Variants in UGT2B17 observed in about 807,000 individuals in gnomAD.
UGT2B17 encodes the protein UDP-glucuronosyltransferase 2B17.
A neutral mutation model predicts 48.2 loss-of-function variants in UGT2B17; 21 were observed. The observed-to-expected ratio is 0.44, with a 90% CI of 0.31 to 0.63. The LOEUF (loss-of-function observed/expected upper bound fraction) is 0.63, where lower values mean the gene tolerates loss of function less well. Among genes scored for constraint, UGT2B17 ranks in the 20% least tolerant of loss-of-function variants. UGT2B17 has a pLI of 0.08. For synonymous variants in UGT2B17, 146 were observed against 238.4 expected, an observed-to-expected ratio of 0.61 and a Z score of 3.57; for missense variants, 402 against 696.1, an observed-to-expected ratio of 0.58 and a Z score of 4.75.
intron 2 of UGT2B17, among the ~76,000 whole-genome samples, chr4:68,566,044 A>G (rs1578172167): frequency 8.5e-6 from 1 of 117,704 alleles, no homozygotes; most frequent in Admixed American, 9.1e-5. Flanking sequence ...TTTAATATTA[A>G]TAAAATTTTA....
chr4:68,544,150 A>G (rs2109760554), intron 6 of UGT2B17, among the ~76,000 whole-genome samples: 1 of 126,162 alleles, frequency 7.9e-6, no homozygotes, highest in South Asian at 3.7e-4. Context: ...CAAAGTTGAA[A>G]TGAAGGAAAA....
intron 6 of UGT2B17, among the ~76,000 whole-genome samples, chr4:68,549,320 T>C (rs1730873784): frequency 9.9e-6 from 1 of 101,208 alleles, no homozygotes; most frequent in Non-Finnish European, 2.1e-5. Flanking sequence ...AAAACCTTCA[T>C]GTTTCAAAAG....
chr4:68,545,911 C>G (rs527912607), intron 6 of UGT2B17, among the ~76,000 whole-genome samples: 1 of 125,784 alleles, frequency 8.0e-6, no homozygotes, highest in South Asian at 3.8e-4. Flanking sequence ...ATAACAGGCT[C>G]TGAAATTGAG....
At chr4:68,567,235 G>C (rs903009488) in intron 2 of UGT2B17, among the ~76,000 whole-genome samples, 3 of 125,276 alleles carry the variant, frequency 2.4e-5, no homozygotes, top group African/African-American at 8.2e-5. Context: ...ATAAATATTA[G>C]AAATCTCAAG....
rs528598473 is a variant in UGT2B17, at chr4:68,547,667, A to G, written c.1313+3010T>C. 8.7e-5 allele frequency among the ~76,000 whole-genome samples: 11 copies of G among 126,380 alleles called. 4 individuals are homozygous for G. The South Asian group carries it at 4.0e-3, about 46-fold the overall frequency. The allele number at this position is 126,380 out of a possible 152,430, so 82.9% of individuals were successfully genotyped here. A position where few individuals can be genotyped will look rare whatever the true frequency, so the allele number is the denominator to read the frequency against. On this transcript the variant is annotated intron_variant, in intron 6 of 6. Coordinates refer to ENST00000317746, the MANE Select transcript of UGT2B17 (RefSeq NM_001077.4). ...TACAGAATGGGAGAACATTTTTGCA[A>G]TCTACTCATCTGACAAAGGGCTAAT...
In UGT2B17 at chr4:68,567,820, T is replaced by A. The variant is rs1205370818; in HGVS notation, c.665A>T (p.Asp222Val). 1.5e-6 allele frequency: 2 copies of A among 1,367,954 alleles called. 1 individual carries two copies. The highest frequency in any genetic ancestry group is 3.0e-5 in the African/African-American group (2 of 66,876). The allele number at this position is 1,367,954 out of a possible 1,614,324, so 84.7% of individuals were successfully genotyped here. ...IKNMIYMLYF[D>V]FWFQAYDLKK... ...CAGATCATATGCTTGAAACCAAAAG[T>A]CAAAATAAAGCATATATATCATATT... Residue 222 changes from aspartate (D) to valine (V), a missense_variant, in exon 2 of 7, where the codon GAC becomes GTC. This residue lies in a region of UGT2B17 where 106 missense variants were observed against 169.8 expected (regional missense o/e 0.62). Coordinates refer to ENST00000317746, the MANE Select transcript of UGT2B17 (RefSeq NM_001077.4).
chr4:68,563,431 G>A (rs1380107906), intron 3 of UGT2B17, among the ~76,000 whole-genome samples: 2 of 126,354 alleles, frequency 1.6e-5, no homozygotes, highest in African/African-American at 2.7e-5. Context: ...CCAACATGGC[G>A]AAACTCTGTC....
intron 6 of UGT2B17, among the ~76,000 whole-genome samples, chr4:68,543,956 T>G (rs1730741280): frequency 7.9e-6 from 1 of 126,406 alleles, no homozygotes; most frequent in Non-Finnish European, 1.7e-5. Flanking sequence ...CTACATCTGA[T>G]TGGTGTACCT....
chr4:68,573,133 CT>C lies in UGT2B17; in HGVS notation c.-65+2817del, dbSNP rs1205657570. Among the ~76,000 whole-genome samples the C allele has an allele frequency of 3.1e-5, 4 of 127,326 alleles. 1 individual carries two copies. Among genetic ancestry groups the C allele is most frequent in the Non-Finnish European group, 6.7e-5 (4 of 59,878 alleles). The allele number at this position is 127,326 out of a possible 152,430, so 83.5% of individuals were successfully genotyped here. On this transcript the variant is annotated intron_variant, in intron 1 of 6. Coordinates refer to ENST00000317746, the MANE Select transcript of UGT2B17 (RefSeq NM_001077.4). ...GGGAGACTTTATGTTTAGGTTTTTC[CT>C]AAGAGTTAGCTTATTTGCTTCTTGT...
At chr4:68,571,378 A>G (rs60259033) in intron 1 of UGT2B17, among the ~76,000 whole-genome samples, 5,309 of 125,232 alleles carry the variant, frequency 0.042, 1,231 homozygotes, top group African/African-American at 0.13. Context: ...TTGTGTCCAC[A>G]TATATCCAGT....
At chr4:68,554,810 G>A (rs1357752485) in intron 4 of UGT2B17, among the ~76,000 whole-genome samples, 1 of 125,468 alleles carries the variant, frequency 8.0e-6, no homozygotes, top group Non-Finnish European at 1.7e-5. Flanking sequence ...TGGTGATCAA[G>A]TATTCATACA....
chr4:68,552,059 A>G lies in UGT2B17; in HGVS notation c.1006-148T>C, dbSNP rs1410876984. 7.8e-6 allele frequency: 4 copies of G among 515,972 alleles called. 1 individual carries two copies. 32.0% of individuals were successfully genotyped at this position (515,972 alleles called of 1,614,324 possible). On this transcript the variant is annotated intron_variant, in intron 4 of 6. Coordinates refer to ENST00000317746, the MANE Select transcript of UGT2B17 (RefSeq NM_001077.4). Reference sequence around the variant, plus strand: ...ATGTCAAGTAATGAGAACTACTAAAAGTCTGAGGTAAGCTGAATACCCACA... The same window carrying G: ...ATGTCAAGTAATGAGAACTACTAAAGGTCTGAGGTAAGCTGAATACCCACA...
intron 3 of UGT2B17, among the ~76,000 whole-genome samples, chr4:68,561,626 A>AC (rs144452559): frequency 0.02 from 2,468 of 122,016 alleles, 543 homozygotes; most frequent in East Asian, 0.06. Flanking sequence ...AGATCTGCTC[A>AC]CCCCCTAGAG....
At chr4:68,565,924 T>C (rs1320573339) in intron 2 of UGT2B17, among the ~76,000 whole-genome samples, 1 of 119,200 alleles carries the variant, frequency 8.4e-6, no homozygotes, top group Non-Finnish European at 1.7e-5. Context: ...TTAATGTATA[T>C]TAAATAATAT....
intron 3 of UGT2B17, among the ~76,000 whole-genome samples, chr4:68,563,086 A>T (rs1447416999): frequency 7.9e-6 from 1 of 127,102 alleles, no homozygotes; most frequent in African/African-American, 2.7e-5. Flanking sequence ...TTCTCTGTAC[A>T]GTTTCATGTG....
rs1284890801 is a variant in UGT2B17 at position 68,566,119 on chromosome 4, A to T, written c.725-399T>A. Among the ~76,000 whole-genome samples the T allele has an allele frequency of 2.5e-5, 3 of 118,490 alleles. 1 individual carries two copies. The highest frequency in any genetic ancestry group is 5.2e-5 in the Non-Finnish European group (3 of 57,936). The allele number at this position is 118,490 out of a possible 152,430, so 77.7% of individuals were successfully genotyped here. Reference sequence around the variant, plus strand: ...AAAATTAAACAATATTTAATATTTAATTTAATATTTAATATTTAATAGTTT... The same window carrying T: ...AAAATTAAACAATATTTAATATTTATTTTAATATTTAATATTTAATAGTTT... On this transcript the variant is annotated intron_variant, in intron 2 of 6. Coordinates refer to ENST00000317746, the MANE Select transcript of UGT2B17 (RefSeq NM_001077.4).
chr4:68,567,226 T>C (rs1731216653), intron 2 of UGT2B17, among the ~76,000 whole-genome samples: 1 of 125,010 alleles, frequency 8.0e-6, no homozygotes, highest in Non-Finnish European at 1.7e-5. Flanking sequence ...AAGGAATGTA[T>C]AAATATTAGA....
intron 2 of UGT2B17, among the ~76,000 whole-genome samples, chr4:68,566,458 G>A (rs190184839): frequency 0.017 from 2,043 of 121,334 alleles, 277 homozygotes; most frequent in African/African-American, 0.041. Context: ...CCCAGTGGCA[G>A]GTGATTGGAT....
Position 68,573,160 on chromosome 4 carries a change from G to A in UGT2B17, c.-65+2791C>T, listed in dbSNP as rs192036687. On this transcript the variant is annotated intron_variant, in intron 1 of 6. Coordinates refer to ENST00000317746, the MANE Select transcript of UGT2B17 (RefSeq NM_001077.4). ...AAGAGTTAGCTTATTTGCTTCTTGT[G>A]TTAACAGGGCTGTTGCTGCCAGGGC... Among the ~76,000 whole-genome samples the A allele has an allele frequency of 1.0e-4, 13 of 127,580 alleles. 4 individuals are homozygous for A. The highest frequency in any genetic ancestry group is 1.0e-4 in the Non-Finnish European group (6 of 59,938). The allele number at this position is 127,580 out of a possible 152,430, so 83.7% of individuals were successfully genotyped here.
Sources: gnomAD v4.1 joint callset for allele counts (sites outside exome capture counted in the v4.1 genomes callset) on GRCh38, gnomAD v4.1.1 for gene constraint, gnomAD v4.1.1 regional missense constraint, MANE v1.5 for transcripts, NCBI Gene and HGNC (gene_info 2026-07-23, HGNC 2026-07-21) for gene names.